The following LPAR1 variants were observed in gnomAD, a reference collection of about 807,000 sequenced individuals.
LPAR1 encodes the protein LPA receptor 1.
LPAR1 carries 5 observed loss-of-function variants against 23.8 expected under a neutral mutation model. That is an observed-to-expected ratio of 0.21 (90% confidence interval 0.11 to 0.44). The LOEUF is 0.44. LPAR1 is among the 20% of genes least tolerant of loss of function. LPAR1 has a pLI of 0.99. For missense variants in LPAR1, 311 were observed against 482.8 expected, an observed-to-expected ratio of 0.64 and a Z score of 3.33; for synonymous variants, 160 against 164.7, an observed-to-expected ratio of 0.97 and a Z score of 0.22.
chr9:110,906,693 C>G (rs1361920554), intron 5 of LPAR1, among the ~76,000 whole-genome samples: 1 of 152,038 alleles, frequency 6.6e-6, no homozygotes, highest in African/African-American at 2.4e-5. Flanking sequence ...TATCAAAATA[C>G]TTTTAAAACA....
rs553246354 is a variant in LPAR1, at chr9:110,914,610, C to G, written c.793+26811G>C. Among the ~76,000 whole-genome samples, 3 of 152,320 alleles carry G rather than the reference C, an allele frequency of 2.0e-5. No homozygotes were observed. In the East Asian group the frequency reaches 5.8e-4, roughly 29 times the overall value. The stretch of plus-strand genomic sequence containing the variant: ...TTTAATAAATGTGTTTCCACAAAAT[C>G]TCTAGAACAATTCTGGTTGTGAGGA... On this transcript the variant is annotated intron_variant, in intron 5 of 5. Transcript: ENST00000683809.
intron 4 of LPAR1, among the ~76,000 whole-genome samples, chr9:110,951,799 G>C (rs563489429): frequency 7.4e-4 from 113 of 151,860 alleles, no homozygotes; most frequent in South Asian, 2.3e-3. Context: ...TGCCTAACGA[G>C]AGACACATGA....
chr9:110,911,059 T>C (rs1368381469), intron 5 of LPAR1, among the ~76,000 whole-genome samples: 1 of 152,222 alleles, frequency 6.6e-6, no homozygotes, highest in Non-Finnish European at 1.5e-5. Flanking sequence ...GAAGTTTTAC[T>C]GTAGGTAAAA....
intron 2 of LPAR1, among the ~76,000 whole-genome samples, chr9:110,995,447 C>T (rs942556307): frequency 8.5e-5 from 13 of 152,078 alleles, no homozygotes; most frequent in African/African-American, 2.2e-4. Context: ...AATAATGAGA[C>T]GCTTAATTTC....
At chr9:110,888,642 ATAAG>A (rs2083103903) in intron 5 of LPAR1, among the ~76,000 whole-genome samples, 1 of 152,204 alleles carries the variant, frequency 6.6e-6, no homozygotes, top group African/African-American at 2.4e-5. Context: ...AAAATACAAA[ATAAG>A]TAAGATACAT....
intron 4 of LPAR1, among the ~76,000 whole-genome samples, chr9:110,969,201 CT>C (rs2096325619): frequency 6.6e-6 from 1 of 151,968 alleles, no homozygotes; most frequent in African/African-American, 2.4e-5. Context: ...AATTTTTGTC[CT>C]CTTGGGGCAA....
chr9:110,879,999 C>A (rs955414687), intron 5 of LPAR1, among the ~76,000 whole-genome samples: 1 of 152,116 alleles, frequency 6.6e-6, no homozygotes, highest in Non-Finnish European at 1.5e-5. Flanking sequence ...GTTTGAGGTA[C>A]CTGCAAGACA....
intron 5 of LPAR1, among the ~76,000 whole-genome samples, chr9:110,886,820 T>C (rs1416489228): frequency 6.6e-6 from 1 of 152,166 alleles, no homozygotes. Flanking sequence ...AAATAATAAA[T>C]TGTAAACTTC....
chr9:111,027,214 C>T (rs966188762), intron 2 of LPAR1, among the ~76,000 whole-genome samples: 1 of 151,878 alleles, frequency 6.6e-6, no homozygotes, highest in Non-Finnish European at 1.5e-5. Flanking sequence ...AACGCTCCAC[C>T]CCAAATCAAC....
intron 4 of LPAR1, among the ~76,000 whole-genome samples, chr9:110,943,328 C>G (rs138867255): frequency 6.6e-6 from 1 of 151,326 alleles, no homozygotes; most frequent in Admixed American, 6.6e-5. Flanking sequence ...AATAAATTAC[C>G]CAAAACATAT....
intron 5 of LPAR1, among the ~76,000 whole-genome samples, chr9:110,915,829 A>G (rs1356416355): frequency 6.6e-6 from 1 of 152,076 alleles, no homozygotes; most frequent in Non-Finnish European, 1.5e-5. Flanking sequence ...AACACTGACT[A>G]CCCTGAGAAA....
intron 4 of LPAR1, among the ~76,000 whole-genome samples, chr9:110,946,860 ATTAC>A (rs2095402174): frequency 6.6e-6 from 1 of 152,196 alleles, no homozygotes; most frequent in Non-Finnish European, 1.5e-5. Context: ...TGGGATTAAA[ATTAC>A]TTACTGTATA....
At chr9:111,030,370 G>C (rs1445107359) in intron 2 of LPAR1, among the ~76,000 whole-genome samples, 1 of 152,188 alleles carries the variant, frequency 6.6e-6, no homozygotes, top group Non-Finnish European at 1.5e-5. Context: ...CTTAACAAAA[G>C]GCAATTCTGT....
At chr9:110,935,005 C>G (rs2094605554) in intron 5 of LPAR1, among the ~76,000 whole-genome samples, 1 of 152,142 alleles carries the variant, frequency 6.6e-6, no homozygotes, top group South Asian at 2.1e-4. Flanking sequence ...ACAAGCGATT[C>G]AGTTTCAGAT....
At chr9:111,025,579 G>C (rs2097674260) in intron 2 of LPAR1, among the ~76,000 whole-genome samples, 1 of 152,062 alleles carries the variant, frequency 6.6e-6, no homozygotes, top group South Asian at 2.1e-4. Context: ...TTTTGGCTTT[G>C]GTTGCAATCA....
chr9:110,939,607 C>G (rs1387241842), intron 5 of LPAR1, among the ~76,000 whole-genome samples: 3 of 152,160 alleles, frequency 2.0e-5, no homozygotes, highest in African/African-American at 4.8e-5. Flanking sequence ...CACTGAAACA[C>G]TAGCTCCTAT....
chr9:110,923,924 G>A lies in LPAR1; in HGVS notation c.793+17497C>T, dbSNP rs2093816465. 2.0e-5 allele frequency among the ~76,000 whole-genome samples: 3 copies of A among 152,226 alleles called. No individual in the cohort carries two copies. The South Asian group carries it at 6.2e-4, about 32-fold the overall frequency. ...TCACATGGAACAAAGTACTTCAAAG[G>A]AGTACATATATTTTTATGTGGCCAC... On this transcript the variant is annotated intron_variant, in intron 5 of 5. Transcript: ENST00000683809.
intron 2 of LPAR1, among the ~76,000 whole-genome samples, chr9:111,013,708 G>T (rs2097379226): frequency 6.6e-6 from 1 of 152,158 alleles, no homozygotes; most frequent in Non-Finnish European, 1.5e-5. Flanking sequence ...TGATCAGGGA[G>T]CCGTGACACA....
At chr9:111,020,842 A>T (rs2097547613) in intron 2 of LPAR1, among the ~76,000 whole-genome samples, 1 of 152,240 alleles carries the variant, frequency 6.6e-6, no homozygotes, top group African/African-American at 2.4e-5. Context: ...AATTAAAAAA[A>T]TCAACTGATG....
Sources: allele counts gnomAD v4.1 joint callset (sites outside exome capture counted in the v4.1 genomes callset), GRCh38; gene constraint gnomAD v4.1.1; transcripts MANE v1.5; gene names NCBI Gene and HGNC (gene_info 2026-07-23, HGNC 2026-07-21).